The following METTL15 variants were observed in gnomAD, a reference collection of about 807,000 sequenced individuals.
METTL15 encodes the protein methyltransferase 15, mitochondrial 12S rRNA N4-cytidine, also known as 12S rRNA N(4)-cytidine methyltransferase METTL15.
In METTL15, 34 loss-of-function variants were observed where a neutral mutation model predicts 38.3. The ratio of observed to expected loss-of-function variants is 0.89; its 90% CI spans 0.68 to 1.18. The LOEUF (loss-of-function observed/expected upper bound fraction) is 1.18, where lower values mean the gene tolerates loss of function less well. Ranked by LOEUF, METTL15 falls within the 50% of genes most tolerant of loss-of-function variation. METTL15 has a pLI of 0.00. For missense variants in METTL15, 438 were observed against 498.4 expected (o/e 0.88, Z 1.15); for synonymous variants, 162 against 170.9 (o/e 0.95, Z 0.41).
intron 6 of METTL15, among the ~76,000 whole-genome samples, chr11:28,475,973 C>G (rs1229876405): frequency 6.6e-6 from 1 of 152,204 alleles, no homozygotes; most frequent in Admixed American, 6.5e-5. Flanking sequence ...GGCATGCACA[C>G]TTTTTGGGAA....
intron 4 of METTL15, among the ~76,000 whole-genome samples, chr11:28,219,829 A>G (rs4630279): frequency 0.38 from 57,649 of 151,996 alleles, 12,544 homozygotes; most frequent in African/African-American, 0.6. Flanking sequence ...CCCAGTAGTC[A>G]TTCAGGAGCA....
At chr11:28,446,769 T>C (rs1851078757) in intron 6 of METTL15, among the ~76,000 whole-genome samples, 1 of 152,096 alleles carries the variant, frequency 6.6e-6, no homozygotes, top group Non-Finnish European at 1.5e-5. Context: ...AAAGTACAAA[T>C]TCAAAAATTA....
At chr11:28,216,046 A>G (rs554923461) in intron 4 of METTL15, among the ~76,000 whole-genome samples, 13 of 152,258 alleles carry the variant, frequency 8.5e-5, no homozygotes, top group South Asian at 2.1e-4. Flanking sequence ...AAGGATAGAC[A>G]GATCAGAAAG....
chr11:28,312,340 C>T (rs1440199442), intron 6 of METTL15, among the ~76,000 whole-genome samples: 1 of 152,076 alleles, frequency 6.6e-6, no homozygotes, highest in African/African-American at 2.4e-5. Flanking sequence ...CATTTGCTTC[C>T]TAAAAAGAAG....
At chr11:28,221,251 T>G (rs2133863812) in intron 4 of METTL15, among the ~76,000 whole-genome samples, 1 of 152,324 alleles carries the variant, frequency 6.6e-6, no homozygotes, top group African/African-American at 2.4e-5. Flanking sequence ...TTGGAGGCTT[T>G]GTTCATTTCT....
At chr11:28,203,512 T>A (rs956642692) in intron 3 of METTL15, among the ~76,000 whole-genome samples, 2 of 152,096 alleles carry the variant, frequency 1.3e-5, no homozygotes, top group Non-Finnish European at 2.9e-5. Flanking sequence ...AACAATTGTT[T>A]TTATTTCAAT....
intron 5 of METTL15, among the ~76,000 whole-genome samples, chr11:28,420,169 A>C (rs1036739831): frequency 2.0e-5 from 3 of 152,154 alleles, no homozygotes; most frequent in African/African-American, 7.2e-5. Context: ...ATTCAAGTAC[A>C]AGAAAGTTAA....
chr11:28,239,655 C>CAGCT (rs1477650209), intron 4 of METTL15, among the ~76,000 whole-genome samples: 1 of 152,284 alleles, frequency 6.6e-6, no homozygotes, highest in South Asian at 2.1e-4. Context: ...ACCAGCTTCC[C>CAGCT]AGCTACCTTG....
intron 6 of METTL15, among the ~76,000 whole-genome samples, chr11:28,320,887 A>G (rs1195800791): frequency 6.6e-6 from 1 of 152,178 alleles, no homozygotes; most frequent in Non-Finnish European, 1.5e-5. Flanking sequence ...TATACTTTTA[A>G]AACATAAGTA....
intron 5 of METTL15, among the ~76,000 whole-genome samples, chr11:28,411,479 G>A (rs1488155325): frequency 1.3e-5 from 2 of 151,968 alleles, no homozygotes; most frequent in Non-Finnish European, 2.9e-5. Flanking sequence ...AAGAAGTCAC[G>A]AAGGGGAAAC....
chr11:28,426,742 A>G (rs1028211657), intron 6 of METTL15, among the ~76,000 whole-genome samples: 1 of 151,530 alleles, frequency 6.6e-6, no homozygotes, highest in African/African-American at 2.4e-5. Flanking sequence ...CTCTTTTGAG[A>G]AGTGTCTGTT....
intron 4 of METTL15, among the ~76,000 whole-genome samples, chr11:28,223,222 G>T (rs988706116): frequency 1.3e-5 from 2 of 152,040 alleles, no homozygotes; most frequent in Non-Finnish European, 2.9e-5. Context: ...GATTAACAAT[G>T]GAGGGAGGTT....
At chr11:28,286,057 A>G (rs1856251050) in intron 4 of METTL15, among the ~76,000 whole-genome samples, 1 of 152,104 alleles carries the variant, frequency 6.6e-6, no homozygotes, top group African/African-American at 2.4e-5. Context: ...TATATATATG[A>G]TATCTTATTA....
intron 5 of METTL15, among the ~76,000 whole-genome samples, chr11:28,365,485 G>C (rs1378770593): frequency 6.6e-6 from 1 of 152,128 alleles, no homozygotes; most frequent in African/African-American, 2.4e-5. Flanking sequence ...AGTCTCTGAA[G>C]ATTGTTTGTA....
At chr11:28,531,083 T>C (rs1851841117), downstream of METTL15, among the ~76,000 whole-genome samples, 2 of 152,074 alleles carry the variant, frequency 1.3e-5, no homozygotes, top group South Asian at 4.1e-4. Flanking sequence ...CATTTGTACT[T>C]TTCATTCAAC....
chr11:28,274,077 A>T (rs1399963909), intron 4 of METTL15, among the ~76,000 whole-genome samples: 1 of 152,092 alleles, frequency 6.6e-6, no homozygotes, highest in Non-Finnish European at 1.5e-5. Flanking sequence ...AATGGAAGGC[A>T]CAGAAAAACC....
intron 6 of METTL15, among the ~76,000 whole-genome samples, chr11:28,457,620 C>G (rs532097274): frequency 6.6e-6 from 1 of 152,286 alleles, no homozygotes; most frequent in Admixed American, 6.5e-5. Context: ...GATTCCCCCA[C>G]GTCTAGCATT....
At chr11:28,423,288 G>A (rs1338851016) in intron 5 of METTL15, among the ~76,000 whole-genome samples, 1 of 151,968 alleles carries the variant, frequency 6.6e-6, no homozygotes, top group African/African-American at 2.4e-5. Context: ...CATTTTGGAA[G>A]TTCCTCAAAG....
At chr11:28,274,615 C>T (rs941060391) in intron 4 of METTL15, among the ~76,000 whole-genome samples, 2 of 151,960 alleles carry the variant, frequency 1.3e-5, no homozygotes, top group African/African-American at 4.8e-5. Context: ...AAAATTCAAA[C>T]CCCAGACTAC....
Sources: allele counts gnomAD v4.1 joint callset (sites outside exome capture counted in the v4.1 genomes callset), GRCh38; gene constraint gnomAD v4.1.1; transcripts MANE v1.5; gene names NCBI Gene and HGNC (gene_info 2026-07-23, HGNC 2026-07-21).